Variants in ADAM12 observed in about 807,000 individuals in gnomAD.
ADAM12 encodes the protein ADAM metallopeptidase domain 12.
In ADAM12, 70 loss-of-function variants were observed where a neutral mutation model predicts 106.4. The ratio of observed to expected loss-of-function variants is 0.66; its 90% CI spans 0.54 to 0.80. The LOEUF is 0.80. ADAM12 is among the 30% of genes least tolerant of loss of function. The pLI, the probability that ADAM12 is intolerant of heterozygous loss-of-function variation, is 0.00. For missense variants in ADAM12, 1,010 were observed against 1,171.9 expected (o/e 0.86, Z 2.02); for synonymous variants, 420 against 433.5 (o/e 0.97, Z 0.39).
intron 1 of ADAM12, among the ~76,000 whole-genome samples, chr10:126,334,577 G>A (rs1854629508): frequency 6.6e-6 from 1 of 152,078 alleles, no homozygotes. Context: ...ATCTGATTCA[G>A]GCTAGTCAAG....
intron 3 of ADAM12, among the ~76,000 whole-genome samples, chr10:126,210,651 G>A: frequency 6.6e-6 from 1 of 152,194 alleles, no homozygotes; most frequent in Non-Finnish European, 1.5e-5. Flanking sequence ...ATGATGACTG[G>A]GCCACGAGGA....
chr10:126,029,201 CCT>C (rs1439459024), intron 21 of ADAM12, among the ~76,000 whole-genome samples: 1 of 152,108 alleles, frequency 6.6e-6, no homozygotes, highest in South Asian at 2.1e-4. Context: ...TCCTCAAAGA[CCT>C]AGCAGCAGAG....
At chr10:126,048,460 C>T (rs1357252689) in intron 16 of ADAM12, among the ~76,000 whole-genome samples, 1 of 152,070 alleles carries the variant, frequency 6.6e-6, no homozygotes, top group East Asian at 1.9e-4. Flanking sequence ...GTGTGTGGGG[C>T]CAAAGACAGG....
In ADAM12 at chr10:126,019,523, G is replaced by T. The variant is rs2176098; in HGVS notation, c.2660+172C>A. 0.68 allele frequency among the ~76,000 whole-genome samples: 103,838 copies of T among 151,714 alleles called. 35,859 individuals are homozygous for T. Among genetic ancestry groups the T allele is most frequent in the East Asian group, 0.76 (3,903 of 5,124 alleles). On this transcript the variant is annotated intron_variant, in intron 22 of 22. Coordinates refer to ENST00000448723, the MANE Select transcript of ADAM12 (RefSeq NM_001288973.2). Reference sequence around the variant, plus strand: ...CAATGCCTGTGATTATAAGCTCACAGGGACTGCTTCCTTCCTGGTAATTGT... The same window carrying T: ...CAATGCCTGTGATTATAAGCTCACATGGACTGCTTCCTTCCTGGTAATTGT...
intron 21 of ADAM12, among the ~76,000 whole-genome samples, chr10:126,030,096 G>T (rs955150802): frequency 1.3e-5 from 2 of 152,230 alleles, no homozygotes; most frequent in African/African-American, 2.4e-5. Flanking sequence ...TCATGGTATA[G>T]CTTCACAAAT....
At chr10:126,299,642 T>C (rs746546198) in intron 2 of ADAM12, among the ~76,000 whole-genome samples, 7 of 152,144 alleles carry the variant, frequency 4.6e-5, no homozygotes, top group Non-Finnish European at 8.8e-5. Flanking sequence ...GCTATTACCA[T>C]TCAGCTTTTT....
Position 126,211,925 on chromosome 10 carries a change from G to C in ADAM12, c.261-56620C>G, listed in dbSNP as rs375932803. 1.3e-3 allele frequency among the ~76,000 whole-genome samples: 191 copies of C among 152,358 alleles called. 4 individuals are homozygous for C. In the South Asian group the frequency reaches 0.038, roughly 31 times the overall value. On this transcript the variant is annotated intron_variant, in intron 3 of 22. Coordinates refer to ENST00000448723, the MANE Select transcript of ADAM12 (RefSeq NM_001288973.2). ...TTTTGAGTTGGGTTTTCTGTTACTT[G>C]AAACAAATCTGTCCAAATAATATGC...
rs1312316552 is a variant in ADAM12, at chr10:126,013,844, T to G, written c.*3435A>C. ...GGAGAGGAAAAGGGGTCCTGCAATG[T>G]CCCCCAGCAGCCTGTCATTGTGTGT... On this transcript the variant is annotated 3_prime_UTR_variant, in exon 23 of 23. Transcript: ENST00000448723. This position sits in a 1 kb window ranked among gnomAD's most constrained non-coding sequence, Gnocchi z 4.3. 1 of 152,346 alleles carries G rather than the reference T, an allele frequency of 6.6e-6. No individual in the cohort carries two copies. The highest frequency in any genetic ancestry group is 1.9e-4 in the East Asian group (1 of 5,190). The allele number at this position is 152,346 out of a possible 1,614,324, so 9.4% of individuals were successfully genotyped here. A position where few individuals can be genotyped will look rare whatever the true frequency, so the allele number is the denominator to read the frequency against.
In ADAM12 at chr10:126,093,972, C is replaced by G. The variant is rs1298561747; in HGVS notation, c.1145+13G>C. The G allele has an allele frequency of 6.2e-7, 1 of 1,613,834 alleles. No homozygotes were observed. The highest frequency in any genetic ancestry group is 2.2e-5 in the East Asian group (1 of 44,876). On this transcript the variant is annotated intron_variant, in intron 11 of 22. Transcript: ENST00000448723. The stretch of plus-strand genomic sequence containing the variant: ...TGCACACTGTCAAAGCAGATGGAAG[C>G]AATGGTACTTGCCCGGTGGAAGCGT...
At chr10:126,106,484 T>C (rs1341471103) in intron 8 of ADAM12, among the ~76,000 whole-genome samples, 3 of 138,872 alleles carry the variant, frequency 2.2e-5, no homozygotes, top group Non-Finnish European at 4.5e-5. Flanking sequence ...TTTCTTCTTC[T>C]TCTTTTTTTT....
chr10:126,100,004 G>A (rs1418613361), intron 9 of ADAM12, among the ~76,000 whole-genome samples: 1 of 150,856 alleles, frequency 6.6e-6, no homozygotes, highest in Non-Finnish European at 1.5e-5. Context: ...TAAAAGCATC[G>A]GCAACATCTC....
chr10:126,049,290 C>T lies in ADAM12; in HGVS notation c.1880G>A (p.Gly627Glu), dbSNP rs1954408753. 6.2e-7 allele frequency: 1 copy of T among 1,614,212 alleles called. No homozygotes were observed. Among genetic ancestry groups the T allele is most frequent in the Non-Finnish European group, 8.5e-7 (1 of 1,180,042 alleles). ...VYLGDDMPDPGLVLAGTKCAD... is the reference protein window; with the variant it reads ...VYLGDDMPDPELVLAGTKCAD... ...ACACTTTGTGCCTGCAAGCACAAGC[C>T]CTGGGTCCGGCATGTCATCGCCCAA... is the stretch of plus-strand genomic sequence containing the variant. Residue 627 changes from glycine (G) to glutamate (E), a missense_variant, in exon 16 of 23, where the codon GGG becomes GAG. Coordinates refer to ENST00000448723, the MANE Select transcript of ADAM12 (RefSeq NM_001288973.2). This position sits in a 1 kb window ranked among gnomAD's most constrained non-coding sequence, Gnocchi z 4.4.
chr10:126,104,890 C>T (rs1360790234), intron 8 of ADAM12, among the ~76,000 whole-genome samples: 1 of 152,214 alleles, frequency 6.6e-6, no homozygotes, highest in African/African-American at 2.4e-5. Context: ...GCCACTGGCA[C>T]AGTCGTTGTT....
At chr10:126,081,999 G>A (rs181739313) in intron 11 of ADAM12, among the ~76,000 whole-genome samples, 1 of 152,358 alleles carries the variant, frequency 6.6e-6, no homozygotes, top group East Asian at 1.9e-4. Context: ...AACAGTTAAA[G>A]ATCATTCCCT....
At chr10:126,029,109 G>A (rs1953930421) in intron 21 of ADAM12, among the ~76,000 whole-genome samples, 1 of 152,156 alleles carries the variant, frequency 6.6e-6, no homozygotes, top group East Asian at 1.9e-4. Context: ...ATGCTAGAAA[G>A]GTTGCAGAGC....
chr10:126,240,203 A>G (rs143863350), intron 3 of ADAM12, among the ~76,000 whole-genome samples: 19 of 152,378 alleles, frequency 1.2e-4, no homozygotes, highest in African/African-American at 4.6e-4. Context: ...TACATAGCTG[A>G]GGACTCTTCA....
At chr10:126,031,220 T>TTCTTGTATTTCA (rs1452159551) in intron 21 of ADAM12, among the ~76,000 whole-genome samples, 2 of 152,198 alleles carry the variant, frequency 1.3e-5, no homozygotes, top group Non-Finnish European at 2.9e-5. Flanking sequence ...AAACTCAGTT[T>TTCTTGTATTTCA]TCTTGTATTT....
Position 126,049,065 on chromosome 10 carries a change from A to G in ADAM12, c.1917+188T>C, listed in dbSNP as rs1954402190. Among the ~76,000 whole-genome samples the G allele has an allele frequency of 3.3e-5, 5 of 152,302 alleles. No individual in the cohort carries two copies. The South Asian group carries it at 1.0e-3, about 32-fold the overall frequency. The stretch of plus-strand genomic sequence containing the variant: ...CTCAAGGCCTAAGAAGACAGGCTTG[A>G]TTTTTCCCCAATCTGCATTTTAATA... On this transcript the variant is annotated intron_variant, in intron 16 of 22. Transcript: ENST00000448723. The surrounding 1 kb of genome is among the most constrained non-coding windows in gnomAD (Gnocchi z 4.4).
intron 3 of ADAM12, among the ~76,000 whole-genome samples, chr10:126,189,881 G>A (rs1043310112): frequency 2.6e-5 from 4 of 152,078 alleles, no homozygotes; most frequent in African/African-American, 9.7e-5. Flanking sequence ...CCCAACCCTC[G>A]GACTCCCTAG....
Sources: allele counts gnomAD v4.1 joint callset (sites outside exome capture counted in the v4.1 genomes callset), GRCh38; gene constraint gnomAD v4.1.1; non-coding constraint Gnocchi (gnomAD v3.1); transcripts MANE v1.5; gene names NCBI Gene and HGNC (gene_info 2026-07-23, HGNC 2026-07-21).